Variants in AFF3 observed in about 807,000 individuals in gnomAD.
AFF3 encodes AF4/FMR2 family member 3.
A neutral mutation model predicts 129.7 loss-of-function variants in AFF3; 32 were observed. The ratio of observed to expected loss-of-function variants is 0.25; its 90% CI spans 0.19 to 0.33. The LOEUF (loss-of-function observed/expected upper bound fraction) is 0.33, where lower values mean the gene tolerates loss of function less well. AFF3 is among the 10% of genes least tolerant of loss of function. The pLI, the probability that AFF3 is intolerant of heterozygous loss-of-function variation, is 1.00. For synonymous variants in AFF3, 644 were observed against 635.4 expected (o/e 1.01, Z -0.20); for missense variants, 1,373 against 1,592.0 (o/e 0.86, Z 2.34).
chr2:100,027,327 G>C (rs1285691954), intron 4 of AFF3, among the ~76,000 whole-genome samples: 7 of 152,102 alleles, frequency 4.6e-5, no homozygotes, highest in Non-Finnish European at 1.0e-4. Flanking sequence ...TATTCCCCAG[G>C]ATACCTCAGA....
At chr2:100,105,444 C>A (rs1029117549) in intron 3 of AFF3, 60 bp downstream of exon 3, 1 of 1,320,870 alleles carries the variant, frequency 7.6e-7, no homozygotes, top group Non-Finnish European at 1.0e-6. Flanking sequence ...CAGTGGTGGT[C>A]CCACCCACCC....
At chr2:99,667,584 T>A (rs1285049562) in intron 12 of AFF3, among the ~76,000 whole-genome samples, 1 of 151,952 alleles carries the variant, frequency 6.6e-6, no homozygotes, top group Non-Finnish European at 1.5e-5. Context: ...TTTCAAAAGA[T>A]CAATACAGTT....
chr2:99,814,659 C>T (rs1464528637), intron 8 of AFF3, among the ~76,000 whole-genome samples: 2 of 152,068 alleles, frequency 1.3e-5, no homozygotes, highest in Non-Finnish European at 2.9e-5. Context: ...ACACTAGCTC[C>T]GGCTCCTGGA....
chr2:99,589,635 G>T (rs368844572), intron 15 of AFF3, among the ~76,000 whole-genome samples: 2 of 151,978 alleles, frequency 1.3e-5, no homozygotes, highest in African/African-American at 4.8e-5. Flanking sequence ...TCTTGATCTC[G>T]TGATCTGCCC....
intron 13 of AFF3, among the ~76,000 whole-genome samples, chr2:99,644,815 C>T (rs1283252990): frequency 6.6e-6 from 1 of 152,212 alleles, no homozygotes; most frequent in Admixed American, 6.5e-5. Context: ...TGCATATTTT[C>T]CACATTGGCG....
chr2:99,665,568 A>C (rs1686601765), intron 12 of AFF3, among the ~76,000 whole-genome samples: 1 of 152,228 alleles, frequency 6.6e-6, no homozygotes, highest in Admixed American at 6.5e-5. Context: ...TTGGGCACAG[A>C]CTGAATCTGA....
At chr2:99,822,793 C>T (rs963920111) in intron 8 of AFF3, among the ~76,000 whole-genome samples, 2 of 152,310 alleles carry the variant, frequency 1.3e-5, no homozygotes, top group African/African-American at 4.8e-5. Flanking sequence ...AACTAGCCAA[C>T]CTCCAAAAGA....
At chr2:99,962,850 A>AAAAAATAAT (rs1388886088) in intron 7 of AFF3, among the ~76,000 whole-genome samples, 1 of 142,064 alleles carries the variant, frequency 7.0e-6, no homozygotes, top group Admixed American at 7.1e-5. Context: ...AAGAGTATTC[A>AAAAAATAAT]AATAATAATA....
intron 11 of AFF3, among the ~76,000 whole-genome samples, chr2:99,718,956 T>TA (rs774407678): frequency 4.9e-4 from 75 of 151,830 alleles, no homozygotes; most frequent in Admixed American, 7.9e-4. Context: ...TTCACCGTGT[T>TA]AAGCCAGGAT....
intron 15 of AFF3, 23 bp from the exon 16 acceptor site, chr2:99,587,301 CA>C: frequency 1.2e-6 from 2 of 1,613,486 alleles, no homozygotes; most frequent in South Asian, 2.2e-5. Flanking sequence ...AAACTAAAGT[CA>C]ATCAGCACTG....
intron 13 of AFF3, among the ~76,000 whole-genome samples, chr2:99,633,426 G>A (rs896493192): frequency 3.3e-5 from 5 of 152,188 alleles, no homozygotes; most frequent in Non-Finnish European, 7.3e-5. Context: ...ATGGGTAGAA[G>A]GTGGCCAGGT....
At chr2:99,868,788 C>G (rs1040042581) in intron 7 of AFF3, among the ~76,000 whole-genome samples, 21 of 152,068 alleles carry the variant, frequency 1.4e-4, no homozygotes, top group Admixed American at 1.4e-3. Context: ...CAAGGCCCAA[C>G]AGTCCTATTA....
At chr2:99,754,923 G>T (rs967027194) in intron 8 of AFF3, among the ~76,000 whole-genome samples, 1 of 152,170 alleles carries the variant, frequency 6.6e-6, no homozygotes, top group Non-Finnish European at 1.5e-5. Context: ...GAAAGTTAGG[G>T]TATCGGCTCT....
At chr2:99,822,741 G>A (rs931715403) in intron 8 of AFF3, among the ~76,000 whole-genome samples, 2 of 152,052 alleles carry the variant, frequency 1.3e-5, no homozygotes, top group Admixed American at 6.5e-5. Context: ...TGCTGTTCCC[G>A]GGGCTTTATT....
At chr2:99,745,718 T>C (rs1186125831) in intron 9 of AFF3, among the ~76,000 whole-genome samples, 2 of 152,206 alleles carry the variant, frequency 1.3e-5, no homozygotes, top group Non-Finnish European at 2.9e-5. Context: ...TCTACTTATC[T>C]GCAATGGAAT....
chr2:99,625,366 C>G (rs1368950171), intron 13 of AFF3, among the ~76,000 whole-genome samples: 1 of 152,134 alleles, frequency 6.6e-6, no homozygotes, highest in South Asian at 2.1e-4. Context: ...ATTCATTGTT[C>G]CTGGATTTTT....
chr2:99,891,697 T>C (rs1002168443), intron 7 of AFF3, among the ~76,000 whole-genome samples: 2 of 152,218 alleles, frequency 1.3e-5, no homozygotes, highest in African/African-American at 4.8e-5. Flanking sequence ...ACTGCCTCAC[T>C]GTACAGATGA....
chr2:99,989,067 G>A lies in AFF3; in HGVS notation c.873+17565C>T, dbSNP rs551861804. Among the ~76,000 whole-genome samples the A allele has an allele frequency of 4.6e-5, 7 of 152,282 alleles. No homozygotes were observed. The South Asian group carries it at 1.0e-3, about 23-fold the overall frequency. On this transcript the variant is annotated intron_variant, in intron 7 of 24. Transcript: ENST00000672756. Reference sequence around the variant, plus strand: ...AGCAAACCAAAGAGTAACTTCAAAGGTTCTAGCTTAGGAGCCAGGTGGAAG... The same window carrying A: ...AGCAAACCAAAGAGTAACTTCAAAGATTCTAGCTTAGGAGCCAGGTGGAAG...
chr2:99,855,456 C>T (rs577485761), intron 7 of AFF3, among the ~76,000 whole-genome samples: 47 of 151,828 alleles, frequency 3.1e-4, no homozygotes, highest in Admixed American at 7.9e-4. Context: ...ACAATCACCT[C>T]AATAAAATGA....
Sources: gnomAD v4.1 joint callset for allele counts (sites outside exome capture counted in the v4.1 genomes callset) on GRCh38, gnomAD v4.1.1 for gene constraint, MANE v1.5 for transcripts, NCBI Gene and HGNC (gene_info 2026-07-23, HGNC 2026-07-21) for gene names.